Variants in CRB1 observed in about 807,000 individuals in gnomAD.
CRB1 encodes protein crumbs homolog 1.
In CRB1, 83 loss-of-function variants were observed where a neutral mutation model predicts 120.0. The ratio of observed to expected loss-of-function variants is 0.69; its 90% CI spans 0.58 to 0.83. The LOEUF (loss-of-function observed/expected upper bound fraction) is 0.83, where lower values mean the gene tolerates loss of function less well. CRB1 is among the 40% of genes least tolerant of loss of function. CRB1 has a pLI of 0.00. For missense variants in CRB1, 1,699 were observed against 1,687.6 expected (o/e 1.01, Z -0.12); for synonymous variants, 625 against 612.5 (o/e 1.02, Z -0.30).
the CRB1 span, among the ~76,000 whole-genome samples, chr1:197,214,369 T>A: frequency 6.6e-6 from 1 of 152,036 alleles, no homozygotes; most frequent in Non-Finnish European, 1.5e-5. Context: ...AAACCAAACA[T>A]GAATGAAAAA....
At chr1:197,448,661 C>A in intron 11 of CRB1, among the ~76,000 whole-genome samples, 1 of 152,218 alleles carries the variant, frequency 6.6e-6, no homozygotes, top group East Asian at 1.9e-4. Flanking sequence ...ATACTTTTGT[C>A]CTTCCAGAAA....
At chr1:197,332,180 A>G (rs1658899112) in intron 2 of CRB1, among the ~76,000 whole-genome samples, 1 of 152,090 alleles carries the variant, frequency 6.6e-6, no homozygotes, top group Admixed American at 6.5e-5. Flanking sequence ...CAAAAAAAAC[A>G]GCTAGAAAGA....
intron 5 of CRB1, among the ~76,000 whole-genome samples, chr1:197,376,537 T>A (rs1661656578): frequency 6.6e-6 from 1 of 152,160 alleles, no homozygotes; most frequent in African/African-American, 2.4e-5. Flanking sequence ...ATTTGGTTTC[T>A]CTCTTTCTTT....
the CRB1 span, among the ~76,000 whole-genome samples, chr1:197,215,160 T>C: frequency 1.3e-5 from 2 of 152,118 alleles, no homozygotes; most frequent in African/African-American, 2.4e-5. Flanking sequence ...ACAGAAAGAA[T>C]GTACATCAGC....
At chr1:197,339,248 C>G (rs955580623) in intron 2 of CRB1, among the ~76,000 whole-genome samples, 8 of 152,266 alleles carry the variant, frequency 5.3e-5, no homozygotes, top group South Asian at 2.1e-4. Flanking sequence ...AGTCATCCAG[C>G]CTCTCCTTAT....
chr1:197,361,888 A>T (rs1262952254), intron 5 of CRB1, among the ~76,000 whole-genome samples: 1 of 150,084 alleles, frequency 6.7e-6, no homozygotes, highest in Non-Finnish European at 1.5e-5. Context: ...CTGTTTTTTA[A>T]ATTTATTTTT....
intron 5 of CRB1, 130 bp downstream of exon 5, chr1:197,357,143 C>G (rs546554365): frequency 1.1e-6 from 1 of 878,950 alleles, no homozygotes; most frequent in Non-Finnish European, 1.9e-6. Flanking sequence ...CAAAGGGTCC[C>G]CCTTGTGGGC....
At chr1:197,248,504 C>T in the CRB1 span, among the ~76,000 whole-genome samples, 6 of 152,046 alleles carry the variant, frequency 3.9e-5, no homozygotes, top group Admixed American at 1.3e-4. Context: ...ACTTCAAATA[C>T]ATTTACAGAA....
chr1:197,242,849 G>A, the CRB1 span, among the ~76,000 whole-genome samples: 1 of 152,102 alleles, frequency 6.6e-6, no homozygotes, highest in Non-Finnish European at 1.5e-5. Flanking sequence ...CTCAATTTCA[G>A]AAATTGTTAT....
chr1:197,238,132 G>A, the CRB1 span, among the ~76,000 whole-genome samples: 1 of 152,198 alleles, frequency 6.6e-6, no homozygotes, highest in South Asian at 2.1e-4. Context: ...TGTTTTTGAA[G>A]TGTCCAAGGG....
chr1:197,295,731 A>AT (rs1311897735), intron 1 of CRB1, among the ~76,000 whole-genome samples: 5 of 152,020 alleles, frequency 3.3e-5, no homozygotes, highest in African/African-American at 1.2e-4. Flanking sequence ...TAATGGAGAT[A>AT]TTTGTCAGAC....
chr1:197,203,514 G>A, the CRB1 span, among the ~76,000 whole-genome samples: 1 of 151,916 alleles, frequency 6.6e-6, no homozygotes, highest in Non-Finnish European at 1.5e-5. Context: ...TAGTAGAGAG[G>A]GGCTTTCATT....
chr1:197,259,481 GAACACAT>G, the CRB1 span, among the ~76,000 whole-genome samples: 1 of 152,132 alleles, frequency 6.6e-6, no homozygotes. Flanking sequence ...TGAACAATGA[GAACACAT>G]GGACACATGG....
At chr1:197,371,303 G>A (rs573828322) in intron 5 of CRB1, among the ~76,000 whole-genome samples, 28 of 152,126 alleles carry the variant, frequency 1.8e-4, no homozygotes, top group African/African-American at 6.7e-4. Context: ...AATGTGGTTG[G>A]AGAAAAACTC....
At chr1:197,415,796 C>G (rs1005409850) in intron 5 of CRB1, among the ~76,000 whole-genome samples, 1 of 151,724 alleles carries the variant, frequency 6.6e-6, no homozygotes, top group Non-Finnish European at 1.5e-5. Context: ...GCGCCCACCA[C>G]CACACCTGGC....
intron 5 of CRB1, among the ~76,000 whole-genome samples, chr1:197,378,345 A>G (rs940817984): frequency 1.3e-5 from 2 of 152,188 alleles, no homozygotes; most frequent in Non-Finnish European, 2.9e-5. Flanking sequence ...TCAAGATGGG[A>G]TTACTATTAC....
chr1:197,447,180 C>A (rs1665741223), intron 11 of CRB1, among the ~76,000 whole-genome samples: 2 of 152,186 alleles, frequency 1.3e-5, no homozygotes, highest in African/African-American at 4.8e-5. Context: ...GTGGTCTCAT[C>A]TGAGCTGAAC....
At chr1:197,208,434 C>T in the CRB1 span, among the ~76,000 whole-genome samples, 215 of 152,258 alleles carry the variant, frequency 1.4e-3, 1 homozygote, top group Middle Eastern at 3.4e-3. Flanking sequence ...TGGTGCTCTC[C>T]CCCTTCCCCT....
chr1:197,434,018 G>A (rs1665001604), intron 8 of CRB1, among the ~76,000 whole-genome samples: 1 of 152,098 alleles, frequency 6.6e-6, no homozygotes, highest in Non-Finnish European at 1.5e-5. Context: ...ATAGAATGGG[G>A]AAAAAAGTTT....
Sources: allele counts gnomAD v4.1 joint callset (sites outside exome capture counted in the v4.1 genomes callset), GRCh38; gene constraint gnomAD v4.1.1; transcripts MANE v1.5; gene names NCBI Gene and HGNC (gene_info 2026-07-23, HGNC 2026-07-21).